PAX7: variants seen among roughly 807,000 people sequenced by gnomAD.
The protein encoded by PAX7 is paired box protein Pax-7.
A neutral mutation model predicts 50.7 loss-of-function variants in PAX7; 18 were observed. The observed-to-expected ratio is 0.36, with a 90% CI of 0.25 to 0.53. The LOEUF (loss-of-function observed/expected upper bound fraction) is 0.53. Among genes scored for constraint, PAX7 ranks in the 20% least tolerant of loss-of-function variants. PAX7 has a pLI of 0.93. For synonymous variants in PAX7, 310 were observed against 290.4 expected (o/e 1.07, Z -0.69); for missense variants, 644 against 702.9 (o/e 0.92, Z 0.95).
At chr1:18,696,394 C>T (rs1260487805) in intron 5 of PAX7, among the ~76,000 whole-genome samples, 2 of 152,170 alleles carry the variant, frequency 1.3e-5, no homozygotes, top group Non-Finnish European at 2.9e-5. Context: ...ATGTGCCAGG[C>T]ATGATGGCTC....
intron 7 of PAX7, among the ~76,000 whole-genome samples, chr1:18,712,820 G>A (rs1471519157): frequency 4.6e-5 from 7 of 152,178 alleles, no homozygotes; most frequent in South Asian, 4.1e-4. Flanking sequence ...GGTGGCTCAC[G>A]CCTGTAATCC....
intron 7 of PAX7, among the ~76,000 whole-genome samples, chr1:18,721,025 C>T (rs114113701): frequency 0.01 from 1,574 of 152,184 alleles, 36 homozygotes; most frequent in African/African-American, 0.036. Flanking sequence ...TGTTGGTCCA[C>T]GGGAGCAGCA....
intron 5 of PAX7, among the ~76,000 whole-genome samples, chr1:18,694,319 CATGCTAGCG>C (rs2089120924): frequency 1.3e-5 from 2 of 151,780 alleles, no homozygotes; most frequent in South Asian, 4.2e-4. Context: ...ATTAGCCGGG[CATGCTAGCG>C]CATGCCTGTA....
At chr1:18,646,409 G>T (rs2088339371) in intron 4 of PAX7, among the ~76,000 whole-genome samples, 1 of 152,098 alleles carries the variant, frequency 6.6e-6, no homozygotes, top group Admixed American at 6.5e-5. Flanking sequence ...CAAAAACCCG[G>T]TCTTTTCCGT....
At position 18,731,321 on chromosome 1, in the gene PAX7, T is replaced by C. The variant is rs191666793; in HGVS notation, c.1156-4311T>C. ...GGCCAGCGAGGGGCATTTAGGCCCA[T>C]AGGGCTCTGTGCAGTGAGGTTGCCA... is the stretch of plus-strand genomic sequence containing the variant. On this transcript the variant is annotated intron_variant, in intron 7 of 8. Transcript: ENST00000420770. Among the ~76,000 whole-genome samples, 108 of 152,302 alleles carry C rather than the reference T, an allele frequency of 7.1e-4. 1 individual carries two copies. Among genetic ancestry groups the C allele is most frequent in the African/African-American group, 2.5e-3 (102 of 41,578 alleles).
intron 4 of PAX7, among the ~76,000 whole-genome samples, chr1:18,640,010 G>A (rs1219371408): frequency 6.6e-6 from 1 of 151,262 alleles, no homozygotes; most frequent in African/African-American, 2.4e-5. Context: ...AAATCCTGGG[G>A]GTGTCAAAGT....
chr1:18,719,332 C>G (rs1273763467), intron 7 of PAX7, among the ~76,000 whole-genome samples: 1 of 152,198 alleles, frequency 6.6e-6, no homozygotes, highest in African/African-American at 2.4e-5. Flanking sequence ...GACGGGAGAC[C>G]TGGGTGGGGC....
chr1:18,701,678 A>G (rs150683554), intron 6 of PAX7, among the ~76,000 whole-genome samples: 1,781 of 152,320 alleles, frequency 0.012, 29 homozygotes, highest in Admixed American at 0.038. Flanking sequence ...AAAGCTCCCT[A>G]TGAGGGATTC....
chr1:18,677,412 T>C lies in PAX7; in HGVS notation c.587-14342T>C, dbSNP rs151265439. On this transcript the variant is annotated intron_variant, in intron 4 of 8. Coordinates refer to ENST00000420770, the MANE Select transcript of PAX7 (RefSeq NM_001135254.2). The stretch of plus-strand genomic sequence containing the variant: ...AGAGTGGGTCTCTTTCATGGTGGCA[T>C]GATCCTGAGACCCCTAGTTCCTGTT... Among the ~76,000 whole-genome samples the C allele has an allele frequency of 4.5e-3, 690 of 152,302 alleles. 4 individuals carry two copies. The highest frequency in any genetic ancestry group is 0.016 in the African/African-American group (648 of 41,564).
At chr1:18,648,436 G>A (rs1570119768) in intron 4 of PAX7, among the ~76,000 whole-genome samples, 1 of 150,172 alleles carries the variant, frequency 6.7e-6, no homozygotes, top group East Asian at 2.0e-4. Flanking sequence ...CAACCTCCCA[G>A]GCTCAAGCGA....
rs2088169289 is a variant in PAX7, at chr1:18,636,949, C to G, written c.586+578C>G. ...CTCAGCCCCGCGTTGCCAGGGCGGA[C>G]TGGGGGACAGAGAGTGCCTTCCTCT... On this transcript the variant is annotated intron_variant, in intron 4 of 8. Transcript: ENST00000420770. The surrounding 1 kb of genome is among the most constrained non-coding windows in gnomAD (Gnocchi z 5.1). Among the ~76,000 whole-genome samples the G allele has an allele frequency of 6.6e-6, 1 of 152,184 alleles. No individual in the cohort carries two copies. Among genetic ancestry groups the G allele is most frequent in the Non-Finnish European group, 1.5e-5 (1 of 68,038 alleles).
At chr1:18,668,578 C>G (rs1422928171) in intron 4 of PAX7, among the ~76,000 whole-genome samples, 13 of 152,122 alleles carry the variant, frequency 8.5e-5, no homozygotes, top group African/African-American at 3.1e-4. Flanking sequence ...GTGGCATGTA[C>G]TTGTGGTCCC....
intron 7 of PAX7, among the ~76,000 whole-genome samples, chr1:18,732,856 T>C (rs1286525101): frequency 6.6e-6 from 1 of 152,126 alleles, no homozygotes; most frequent in Non-Finnish European, 1.5e-5. Context: ...CATCCGGGCT[T>C]GGCATCCTGG....
At chr1:18,655,723 T>C (rs1418326036) in intron 4 of PAX7, among the ~76,000 whole-genome samples, 1 of 151,776 alleles carries the variant, frequency 6.6e-6, no homozygotes, top group Non-Finnish European at 1.5e-5. Context: ...CAACACTCAT[T>C]AGGCCTGTAA....
intron 8 of PAX7, among the ~76,000 whole-genome samples, chr1:18,741,083 G>T (rs536234820): frequency 6.6e-6 from 1 of 152,188 alleles, no homozygotes; most frequent in Non-Finnish European, 1.5e-5. Context: ...ACAGAATAGG[G>T]TGACTACAGC....
intron 4 of PAX7, among the ~76,000 whole-genome samples, chr1:18,665,673 T>A (rs2088658455): frequency 7.9e-5 from 2 of 25,460 alleles, no homozygotes; most frequent in Admixed American, 6.9e-4. Context: ...GCGCCCAGCC[T>A]TTTTTTTTTT....
In PAX7 at chr1:18,634,578, A is replaced by G. The variant is rs2100418191; in HGVS notation, c.321+40A>G. 6.4e-7 allele frequency: 1 copy of G among 1,570,664 alleles called. No homozygotes were observed. Among genetic ancestry groups the G allele is most frequent in the Non-Finnish European group, 8.7e-7 (1 of 1,143,930 alleles). On this transcript the variant is annotated intron_variant, in intron 2 of 8. Transcript: ENST00000420770. This position sits in a 1 kb window ranked among gnomAD's most constrained non-coding sequence, Gnocchi z 4.0. The stretch of plus-strand genomic sequence containing the variant: ...CACAGAGGCTGGCAGCTGGCTTCCT[A>G]TAGTCGGGGGCTCCTGGTTGTGGCC...
chr1:18,660,555 T>C (rs114974319), intron 4 of PAX7, among the ~76,000 whole-genome samples: 38 of 152,174 alleles, frequency 2.5e-4, no homozygotes, highest in African/African-American at 9.2e-4. Context: ...AAGATGAGCA[T>C]TACTATTTCA....
chr1:18,672,377 T>A (rs1436880619), intron 4 of PAX7, among the ~76,000 whole-genome samples: 1 of 151,942 alleles, frequency 6.6e-6, no homozygotes, highest in Non-Finnish European at 1.5e-5. Flanking sequence ...AAATATCAAC[T>A]TTTTTTTGTT....
Sources: allele counts gnomAD v4.1 joint callset (sites outside exome capture counted in the v4.1 genomes callset), GRCh38; gene constraint gnomAD v4.1.1; non-coding constraint Gnocchi (gnomAD v3.1); transcripts MANE v1.5; gene names NCBI Gene and HGNC (gene_info 2026-07-23, HGNC 2026-07-21).